ATAD5: variants seen among roughly 807,000 people sequenced by gnomAD.
ATAD5 encodes the protein ATPase family AAA domain containing 5, also known as ATPase family AAA domain-containing protein 5.
A neutral mutation model predicts 176.9 loss-of-function variants in ATAD5; 58 were observed. The observed-to-expected ratio is 0.33, with a 90% CI of 0.27 to 0.41. ATAD5 has a LOEUF of 0.41. Ranked by LOEUF, ATAD5 falls within the 10% of genes least tolerant of loss-of-function variation. The pLI is 1.00. For synonymous variants in ATAD5, 640 were observed against 712.6 expected, an observed-to-expected ratio of 0.90 and a Z score of 1.62; for missense variants, 1,789 against 2,094.1, an observed-to-expected ratio of 0.85 and a Z score of 2.84.
chr17:30,893,445 C>T lies in ATAD5; in HGVS notation c.4592C>T (p.Pro1531Leu), dbSNP rs1433798154. 5.0e-6 allele frequency: 8 copies of T among 1,613,744 alleles called. No individual in the cohort carries two copies. In the South Asian group the frequency reaches 5.5e-5, roughly 11 times the overall value. The change falls in exon 21 of 23, where the codon CCA becomes CTA. Residue 1531 changes from proline to leucine, a missense_variant. This residue lies in a region of ATAD5 where 403 missense variants were observed against 495.1 expected (regional missense o/e 0.81). Coordinates refer to ENST00000321990, the MANE Select transcript of ATAD5 (RefSeq NM_024857.5). The stretch of plus-strand genomic sequence containing the variant: ...CCAGAAACTAAAAACTTTTGTGGCC[C>T]ATCAGTAACTGTGGATGCCAGTGCA... ...TIPETKNFCG[P>L]SVTVDASAAT...
intron 18 of ATAD5, among the ~76,000 whole-genome samples, chr17:30,880,873 C>T (rs1908971405): frequency 6.6e-6 from 1 of 151,934 alleles, no homozygotes; most frequent in Non-Finnish European, 1.5e-5. Flanking sequence ...GTACATATAA[C>T]ATATGTAAAA....
chr17:30,894,183 G>T, intron 21 of ATAD5, 33 bp downstream of exon 21: 8 of 1,467,574 alleles, frequency 5.5e-6, no homozygotes, highest in East Asian at 2.3e-5. Flanking sequence ...TTTATTTTTT[G>T]GTAATAAATC....
At chr17:30,833,676 T>G (rs1905514493) in intron 1 of ATAD5, among the ~76,000 whole-genome samples, 1 of 152,156 alleles carries the variant, frequency 6.6e-6, no homozygotes, top group African/African-American at 2.4e-5. Flanking sequence ...TTCTAATACA[T>G]GTATGGTTTC....
At chr17:30,866,569 C>T (rs890023486) in intron 11 of ATAD5, among the ~76,000 whole-genome samples, 1 of 151,122 alleles carries the variant, frequency 6.6e-6, no homozygotes, top group East Asian at 2.0e-4. Flanking sequence ...AATCCCAGCA[C>T]TTTGGGAAGC....
chr17:30,869,953 TA>T (rs997165716), intron 14 of ATAD5: 5,205 of 193,476 alleles, frequency 0.027, 11 homozygotes, highest in South Asian at 0.053. Context: ...CTACAAATAA[TA>T]AAAAAAAAAA....
rs1906293569 is a variant in ATAD5, at chr17:30,843,834, T to C, written c.2242-79T>C. ...TGCTAATTATGTTTTCTGTGGTTTC[T>C]ATCACTGTGATTCTTTTGAAATTTC... On this transcript the variant is annotated intron_variant, in intron 4 of 22. Transcript: ENST00000321990. 9.4e-6 allele frequency: 8 copies of C among 855,332 alleles called. No homozygotes were observed. The South Asian group carries it at 1.4e-4, about 15-fold the overall frequency. 53.0% of individuals were successfully genotyped at this position (855,332 alleles called of 1,614,324 possible). A position where few individuals can be genotyped will look rare whatever the true frequency, so the allele number is the denominator to read the frequency against.
intron 9 of ATAD5, among the ~76,000 whole-genome samples, chr17:30,859,825 C>G (rs553937974): frequency 6.8e-6 from 1 of 146,994 alleles, no homozygotes; most frequent in African/African-American, 2.5e-5. Context: ...CTAGGTTCCA[C>G]CGATTCTCCT....
At chr17:30,888,516 CCTGG>C (rs767577561) in intron 19 of ATAD5, among the ~76,000 whole-genome samples, 1 of 151,954 alleles carries the variant, frequency 6.6e-6, no homozygotes, top group Non-Finnish European at 1.5e-5. Context: ...TGCACTCCAG[CCTGG>C]GTGACAGAGT....
rs1195989917 is a variant in ATAD5 at position 30,835,500 on chromosome 17, G to GA, written c.1424dup (p.Asn475LysfsTer2). The stretch of plus-strand genomic sequence containing the variant: ...CTGATAAAGGAAGTTTTCTGAAGGA[G>GA]AAAAATAAAAAGCTAAAGAAGAAGA... On this transcript the variant is annotated frameshift_variant, in exon 2 of 23. Coordinates refer to ENST00000321990, the MANE Select transcript of ATAD5 (RefSeq NM_024857.5). LOFTEE classifies it high-confidence loss of function. 6.2e-7 allele frequency: 1 copy of GA among 1,606,828 alleles called. No individual in the cohort carries two copies. The highest frequency in any genetic ancestry group is 1.3e-5 in the African/African-American group (1 of 74,400).
Position 30,832,113 on chromosome 17 carries a change from G to T in ATAD5, c.-235G>T, listed in dbSNP as rs992694383. ...AGGGCACCCTGCATACACTGGCCGC[G>T]CCTCAGGGATCTCATTGCCCGCGCT... On this transcript the variant is annotated 5_prime_UTR_variant, in exon 1 of 23. Coordinates refer to ENST00000321990, the MANE Select transcript of ATAD5 (RefSeq NM_024857.5). The T allele has an allele frequency of 7.6e-6, 3 of 394,848 alleles. No individual in the cohort carries two copies. The highest frequency in any genetic ancestry group is 1.3e-5 in the Non-Finnish European group (3 of 223,458). The allele number at this position is 394,848 out of a possible 1,614,324, so 24.5% of individuals were successfully genotyped here.
At chr17:30,857,998 C>T (rs548528343) in intron 8 of ATAD5, among the ~76,000 whole-genome samples, 163 bp from the exon 9 acceptor site, 4 of 152,174 alleles carry the variant, frequency 2.6e-5, no homozygotes, top group Non-Finnish European at 5.9e-5. Flanking sequence ...TGTCTCTTGG[C>T]CTCCCAAAGT....
intron 14 of ATAD5, among the ~76,000 whole-genome samples, chr17:30,873,438 C>T (rs910451296): frequency 1.3e-5 from 2 of 151,820 alleles, no homozygotes; most frequent in Non-Finnish European, 2.9e-5. Flanking sequence ...ATGCCTCAGC[C>T]TCCTGAGTAG....
intron 1 of ATAD5, among the ~76,000 whole-genome samples, chr17:30,833,204 AG>A (rs1905487874): frequency 6.6e-6 from 1 of 151,208 alleles, no homozygotes; most frequent in African/African-American, 2.4e-5. Flanking sequence ...TTGTCTACTT[AG>A]TTGTTATGCT....
intron 1 of ATAD5, 58 bp downstream of exon 1, chr17:30,832,471 G>T: frequency 1.4e-6 from 2 of 1,421,358 alleles, no homozygotes; most frequent in African/African-American, 1.5e-5. Flanking sequence ...GGGATTGGAA[G>T]GTGGGTCTTG....
At chr17:30,843,864 A>C in intron 4 of ATAD5, 49 bp from the exon 5 acceptor site, 3 of 1,074,340 alleles carry the variant, frequency 2.8e-6, no homozygotes, top group Non-Finnish European at 3.8e-6. Context: ...AATTTCAATG[A>C]TATTAATTAT....
chr17:30,865,845 GT>G, intron 11 of ATAD5, 45 bp downstream of exon 11: 1 of 1,269,696 alleles, frequency 7.9e-7, no homozygotes, highest in Non-Finnish European at 1.1e-6. Flanking sequence ...TACAAACTTA[GT>G]TTTACTGTTT....
chr17:30,835,788 T>G lies in ATAD5; in HGVS notation c.1707T>G (p.Val569=), dbSNP rs934185998. 6.2e-7 allele frequency: 1 copy of G among 1,613,524 alleles called. No homozygotes were observed. The highest frequency in any genetic ancestry group is 1.3e-5 in the African/African-American group (1 of 75,020). The change falls in exon 2 of 23, where the codon GTT becomes GTG. Residue 569 remains valine, a synonymous_variant. Transcript: ENST00000321990. ...TGTCAAGAAAAACCAGCATACCAGT[T>G]AAAGATATTAAGCTTACACAGTCTA... The part of the protein sequence containing the change: ...NKLSRKTSIP[V]KDIKLTQSKA...
chr17:30,878,723 T>TTTTTG (rs1908820910), intron 17 of ATAD5, among the ~76,000 whole-genome samples: 5 of 82,550 alleles, frequency 6.1e-5, no homozygotes, highest in Non-Finnish European at 9.2e-5. Flanking sequence ...GTGGTGTTTT[T>TTTTTG]TTTTTTTTTT....
chr17:30,891,706 G>A (rs138053317), intron 19 of ATAD5, among the ~76,000 whole-genome samples: 192 of 150,478 alleles, frequency 1.3e-3, no homozygotes, highest in African/African-American at 4.4e-3. Context: ...CCCCCTTTGA[G>A]TTGGAGTCTC....
Sources: gnomAD v4.1 joint callset for allele counts (sites outside exome capture counted in the v4.1 genomes callset) on GRCh38, gnomAD v4.1.1 for gene constraint, gnomAD v4.1.1 regional missense constraint, MANE v1.5 for transcripts, NCBI Gene and HGNC (gene_info 2026-07-23, HGNC 2026-07-21) for gene names.